The following SHANK2 variants were observed in gnomAD, a reference collection of about 807,000 sequenced individuals.
SHANK2 encodes the protein SH3 and multiple ankyrin repeat domains 2, also known as SH3 and multiple ankyrin repeat domains protein 2.
A neutral mutation model predicts 133.7 loss-of-function variants in SHANK2; 43 were observed. The observed-to-expected ratio is 0.32, with a 90% CI of 0.25 to 0.41. The LOEUF is 0.41. Among genes scored for constraint, SHANK2 ranks in the 10% least tolerant of loss-of-function variants. The pLI is 1.00. For synonymous variants in SHANK2, 1,017 were observed against 952.8 expected, an observed-to-expected ratio of 1.07 and a Z score of -1.24; for missense variants, 1,994 against 2,235.8, an observed-to-expected ratio of 0.89 and a Z score of 2.18.
intron 5 of SHANK2, among the ~76,000 whole-genome samples, chr11:71,110,865 T>C (rs1339489122): frequency 2.0e-5 from 3 of 152,186 alleles, no homozygotes; most frequent in African/African-American, 7.2e-5. Flanking sequence ...TAATCTCCAA[T>C]GTAATAGTAT....
At chr11:70,851,952 C>A (rs746826121) in intron 11 of SHANK2, among the ~76,000 whole-genome samples, 1 of 152,194 alleles carries the variant, frequency 6.6e-6, no homozygotes, top group Non-Finnish European at 1.5e-5. Flanking sequence ...TAATAAGAAT[C>A]ACTGCCCCAT....
chr11:70,681,181 G>A (rs540630242), intron 15 of SHANK2, among the ~76,000 whole-genome samples: 2 of 152,246 alleles, frequency 1.3e-5, no homozygotes, highest in South Asian at 2.1e-4. Flanking sequence ...CAGCGGCACC[G>A]GCTCTGCCAA....
intron 17 of SHANK2, among the ~76,000 whole-genome samples, chr11:70,553,156 G>A (rs782147968): frequency 9.9e-5 from 15 of 151,870 alleles, no homozygotes; most frequent in Non-Finnish European, 1.5e-4. Context: ...GCAGTGGCGC[G>A]ATCTCGTCTC....
rs1948713052 is a variant in SHANK2, at chr11:70,830,632, A to G, written c.1175-9950T>C. ...GAGGATGACCGAGCGCTAGTGGTTGAGATGAAAATTAAGACAAAGATAAAA... is the reference window on the plus strand; with the variant it reads ...GAGGATGACCGAGCGCTAGTGGTTGGGATGAAAATTAAGACAAAGATAAAA... On this transcript the variant is annotated intron_variant, in intron 11 of 25. Coordinates refer to ENST00000601538, the MANE Select transcript of SHANK2 (RefSeq NM_012309.5). The surrounding 1 kb of genome is among the most constrained non-coding windows in gnomAD (Gnocchi z 4.4). Among the ~76,000 whole-genome samples, 1 of 152,234 alleles carries G rather than the reference A, an allele frequency of 6.6e-6. No individual in the cohort carries two copies. The highest frequency in any genetic ancestry group is 6.5e-5 in the Admixed American group (1 of 15,286).
intron 1 of SHANK2, among the ~76,000 whole-genome samples, chr11:71,227,475 G>A (rs889613087): frequency 1.7e-4 from 26 of 151,818 alleles, no homozygotes; most frequent in African/African-American, 5.8e-4. Flanking sequence ...ACCACAAAGA[G>A]AACATTACAT....
At chr11:70,599,350 G>C (rs1231986315) in intron 17 of SHANK2, among the ~76,000 whole-genome samples, 1 of 151,718 alleles carries the variant, frequency 6.6e-6, no homozygotes, top group Non-Finnish European at 1.5e-5. Context: ...GCTCACATCT[G>C]TAATCCCAGC....
intron 3 of SHANK2, among the ~76,000 whole-genome samples, chr11:71,120,668 T>C (rs1203070862): frequency 6.6e-6 from 1 of 152,152 alleles, no homozygotes; most frequent in African/African-American, 2.4e-5. Flanking sequence ...GGCAGTTGTT[T>C]ATTCCAGAAA....
chr11:70,948,274 C>T (rs782192461), intron 10 of SHANK2: 81 of 457,034 alleles, frequency 1.8e-4, no homozygotes, highest in Non-Finnish European at 2.7e-4. Flanking sequence ...ACATGTTGCA[C>T]GTTTCTCTGC....
intron 4 of SHANK2, among the ~76,000 whole-genome samples, chr11:71,114,312 T>G (rs1951940654): frequency 6.6e-6 from 1 of 152,190 alleles, no homozygotes; most frequent in African/African-American, 2.4e-5. Flanking sequence ...GCCGTCACCC[T>G]GCACGGTTAC....
intron 2 of SHANK2, among the ~76,000 whole-genome samples, chr11:71,148,085 T>G (rs1434715186): frequency 3.4e-5 from 2 of 58,702 alleles, no homozygotes; most frequent in East Asian, 5.6e-4. Context: ...AGGCTTCTTG[T>G]TTTTTTTTTT....
chr11:70,805,556 G>A (rs1043491668), intron 13 of SHANK2, among the ~76,000 whole-genome samples: 3 of 152,232 alleles, frequency 2.0e-5, no homozygotes, highest in Admixed American at 1.3e-4. Context: ...GGGGAGGAGG[G>A]AAGGTGGCTC....
At chr11:70,619,728 C>T (rs868969443) in intron 17 of SHANK2, among the ~76,000 whole-genome samples, 47 of 152,188 alleles carry the variant, frequency 3.1e-4, no homozygotes, top group African/African-American at 1.0e-3. Flanking sequence ...CCTCTCTTCC[C>T]CATCTCCCTC....
At chr11:70,936,592 T>G (rs1590851220) in intron 10 of SHANK2, among the ~76,000 whole-genome samples, 1 of 152,248 alleles carries the variant, frequency 6.6e-6, no homozygotes. Flanking sequence ...ACCATGTGTT[T>G]GTGTGTTTGT....
chr11:70,938,577 G>T (rs143528224), intron 10 of SHANK2, among the ~76,000 whole-genome samples: 1 of 152,306 alleles, frequency 6.6e-6, no homozygotes, highest in East Asian at 1.9e-4. Flanking sequence ...ACAGCCACCT[G>T]TACGGGTCAA....
At chr11:71,105,617 A>T (rs1951791167) in intron 6 of SHANK2, among the ~76,000 whole-genome samples, 1 of 148,470 alleles carries the variant, frequency 6.7e-6, no homozygotes, top group South Asian at 2.1e-4. Context: ...AAAAAAAAGA[A>T]AGGGTCAGCA....
chr11:71,202,396 C>T (rs1036396935), intron 2 of SHANK2, among the ~76,000 whole-genome samples: 5 of 152,202 alleles, frequency 3.3e-5, no homozygotes, highest in Non-Finnish European at 2.9e-5. Flanking sequence ...GCCTACCTGG[C>T]GGGTGGGCAG....
At chr11:70,939,949 G>A (rs1555084074) in intron 10 of SHANK2, among the ~76,000 whole-genome samples, 5 of 152,150 alleles carry the variant, frequency 3.3e-5, no homozygotes, top group African/African-American at 1.2e-4. Context: ...AGAAGAGAAG[G>A]TAATGTGACC....
chr11:70,557,258 A>G (rs1304576378), intron 17 of SHANK2, among the ~76,000 whole-genome samples: 1 of 152,142 alleles, frequency 6.6e-6, no homozygotes, highest in African/African-American at 2.4e-5. Flanking sequence ...GAATGAAGCT[A>G]TCAACTGGCC....
intron 10 of SHANK2, among the ~76,000 whole-genome samples, chr11:70,902,640 G>A (rs1209655601): frequency 2.0e-5 from 3 of 152,008 alleles, no homozygotes; most frequent in African/African-American, 7.3e-5. Flanking sequence ...GAAGTTTTGT[G>A]TGATGAGGGC....
Sources: allele counts gnomAD v4.1 joint callset (sites outside exome capture counted in the v4.1 genomes callset), GRCh38; gene constraint gnomAD v4.1.1; non-coding constraint Gnocchi (gnomAD v3.1); transcripts MANE v1.5; gene names NCBI Gene and HGNC (gene_info 2026-07-23, HGNC 2026-07-21).